The following WDR64 variants were observed in gnomAD, a reference collection of about 807,000 sequenced individuals.
The protein encoded by WDR64 is WD repeat-containing protein 64.
Under a neutral mutation model 139.3 loss-of-function variants are expected in WDR64, and 112 were observed. The ratio of observed to expected loss-of-function variants is 0.80; its 90% CI spans 0.69 to 0.94. The LOEUF is 0.94. WDR64 is among the 40% of genes least tolerant of loss of function. The pLI, the probability that WDR64 is intolerant of heterozygous loss-of-function variation, is 0.00. For missense variants in WDR64, 1,206 were observed against 1,293.1 expected (o/e 0.93, Z 1.03); for synonymous variants, 444 against 437.7 (o/e 1.01, Z -0.18).
intron 9 of WDR64, among the ~76,000 whole-genome samples, chr1:241,721,449 C>G (rs1477756400): frequency 6.6e-6 from 1 of 151,972 alleles, no homozygotes; most frequent in Non-Finnish European, 1.5e-5. Flanking sequence ...GCCTTTTTGT[C>G]TAGTAGCCTA....
At chr1:241,705,545 A>C (rs1238268782) in intron 8 of WDR64, among the ~76,000 whole-genome samples, 2 of 53,644 alleles carry the variant, frequency 3.7e-5, no homozygotes, top group East Asian at 6.6e-4. Flanking sequence ...CTGTCTCTAA[A>C]AAAATAAATA....
rs1659160980 is a variant in WDR64 at position 241,789,871 on chromosome 1, A to G, written c.2892-720A>G. 2.0e-5 allele frequency among the ~76,000 whole-genome samples: 3 copies of G among 152,058 alleles called. No individual in the cohort carries two copies. In the South Asian group the frequency reaches 6.2e-4, roughly 32 times the overall value. On this transcript the variant is annotated intron_variant, in intron 24 of 27. Transcript: ENST00000437684. Reference sequence around the variant, plus strand: ...GAAATAACAAACCTGCACATGTACCACTGAACTTAAATAAAAGTTAAAAAA... The same window carrying G: ...GAAATAACAAACCTGCACATGTACCGCTGAACTTAAATAAAAGTTAAAAAA...
chr1:241,773,193 A>T (rs1046807024), intron 20 of WDR64, among the ~76,000 whole-genome samples: 2 of 152,158 alleles, frequency 1.3e-5, no homozygotes, highest in Admixed American at 1.3e-4. Flanking sequence ...AAGCTCTTCT[A>T]CTTTTCTATC....
chr1:241,745,919 C>A (rs758998138), intron 13 of WDR64, among the ~76,000 whole-genome samples: 2 of 152,150 alleles, frequency 1.3e-5, no homozygotes, highest in African/African-American at 4.8e-5. Flanking sequence ...ATCTGACTGC[C>A]CAAGTCCCAA....
intron 9 of WDR64, among the ~76,000 whole-genome samples, chr1:241,718,070 G>A (rs1357506245): frequency 6.6e-6 from 1 of 152,152 alleles, no homozygotes; most frequent in Non-Finnish European, 1.5e-5. Context: ...GTAGAGCCAG[G>A]TTTCAAATCA....
At chr1:241,711,655 C>A in intron 8 of WDR64, 147 bp from the exon 9 acceptor site, 1 of 707,124 alleles carries the variant, frequency 1.4e-6, no homozygotes, top group Non-Finnish European at 2.4e-6. Flanking sequence ...TTAATTACGA[C>A]TTAATCATTA....
At position 241,767,344 on chromosome 1, in the gene WDR64, T is replaced by G. The variant is rs539547676; in HGVS notation, c.2081+993T>G. Among the ~76,000 whole-genome samples, 8 of 147,336 alleles carry G rather than the reference T, an allele frequency of 5.4e-5. No homozygotes were observed. The South Asian group carries it at 1.7e-3, about 31-fold the overall frequency. ...ATACCATCCACTTCTCAATGTTTTT[T>G]TTTTTTTGCATTTGTTGAGAAGGAA... is the stretch of plus-strand genomic sequence containing the variant. On this transcript the variant is annotated intron_variant, in intron 16 of 27. Coordinates refer to ENST00000437684, the MANE Select transcript of WDR64 (RefSeq NM_001367482.1).
At chr1:241,789,486 A>T (rs1029938345) in intron 24 of WDR64, among the ~76,000 whole-genome samples, 2 of 152,248 alleles carry the variant, frequency 1.3e-5, no homozygotes, top group African/African-American at 4.8e-5. Context: ...CTAGGTATGC[A>T]TCAGTGGTAG....
intron 9 of WDR64, among the ~76,000 whole-genome samples, chr1:241,717,753 A>C (rs1668460456): frequency 6.6e-6 from 1 of 152,162 alleles, no homozygotes; most frequent in Non-Finnish European, 1.5e-5. Flanking sequence ...TTTACCCTCT[A>C]TATCTCCTTA....
chr1:241,722,107 C>G (rs1668634403), intron 9 of WDR64, among the ~76,000 whole-genome samples: 1 of 151,860 alleles, frequency 6.6e-6, no homozygotes, highest in South Asian at 2.1e-4. Flanking sequence ...TCCAATAGAT[C>G]ATGGCTAAAG....
chr1:241,652,984 T>C (rs1380143121), intron 1 of WDR64, among the ~76,000 whole-genome samples: 1 of 152,234 alleles, frequency 6.6e-6, no homozygotes, highest in Admixed American at 6.5e-5. Flanking sequence ...AGCACTGCTT[T>C]TTCTTAGCCT....
At chr1:241,664,186 C>T (rs1445286080) in intron 2 of WDR64, among the ~76,000 whole-genome samples, 3 of 152,172 alleles carry the variant, frequency 2.0e-5, no homozygotes, top group Non-Finnish European at 2.9e-5. Flanking sequence ...GATATTCCCC[C>T]ATAGATCGGT....
Position 241,696,938 on chromosome 1 carries a change from C to G in WDR64, c.974+9343C>G, listed in dbSNP as rs144940825. Among the ~76,000 whole-genome samples the G allele has an allele frequency of 7.3e-3, 1,107 of 152,290 alleles. 15 individuals carry two copies. Among genetic ancestry groups the G allele is most frequent in the African/African-American group, 0.026 (1,061 of 41,558 alleles). ...AGCCCCTATTCAAGATGGATTTGCT[C>G]TGGTTCAAATGCCTCTGACACCTTG... On this transcript the variant is annotated intron_variant, in intron 8 of 27. Transcript: ENST00000437684.
At chr1:241,737,439 GTT>G (rs1258069946) in intron 10 of WDR64, among the ~76,000 whole-genome samples, 4 of 152,138 alleles carry the variant, frequency 2.6e-5, no homozygotes, top group Non-Finnish European at 5.9e-5. Flanking sequence ...ACTTACTGAA[GTT>G]TTACATGTAG....
Position 241,733,091 on chromosome 1 carries a change from A to G in WDR64, c.1195-5272A>G, listed in dbSNP as rs12065973. On this transcript the variant is annotated intron_variant, in intron 10 of 27. Transcript: ENST00000437684. Reference sequence around the variant, plus strand: ...TGATAAGTGACTTCAATTACAAATTACCCTCAAAACACTTAATCAACCTTA... The same window carrying G: ...TGATAAGTGACTTCAATTACAAATTGCCCTCAAAACACTTAATCAACCTTA... 9.7e-3 allele frequency among the ~76,000 whole-genome samples: 1,479 copies of G among 152,282 alleles called. 26 individuals are homozygous for G. Among genetic ancestry groups the G allele is most frequent in the African/African-American group, 0.033 (1,367 of 41,542 alleles).
intron 10 of WDR64, among the ~76,000 whole-genome samples, chr1:241,734,981 G>A (rs1385950869): frequency 6.6e-6 from 1 of 152,142 alleles, no homozygotes; most frequent in Non-Finnish European, 1.5e-5. Context: ...TATATCATGG[G>A]CATCTAGAGA....
intron 14 of WDR64, among the ~76,000 whole-genome samples, chr1:241,751,540 T>C (rs1178211601): frequency 6.6e-6 from 1 of 152,206 alleles, no homozygotes; most frequent in East Asian, 1.9e-4. Flanking sequence ...GTGATCACAT[T>C]CAGTTATTCA....
chr1:241,718,494 AGAG>A (rs1342947542), intron 9 of WDR64, among the ~76,000 whole-genome samples: 1 of 152,174 alleles, frequency 6.6e-6, no homozygotes, highest in Non-Finnish European at 1.5e-5. Context: ...AGGTATCAGA[AGAG>A]AAGGGGGAGC....
Position 241,703,460 on chromosome 1 carries a change from G to GT in WDR64, c.975-8328dup, listed in dbSNP as rs35616829. 0.27 allele frequency among the ~76,000 whole-genome samples: 38,118 copies of GT among 143,590 alleles called. 4,966 individuals carry two copies. Among genetic ancestry groups the GT allele is most frequent in the East Asian group, 0.31 (1,521 of 4,934 alleles). The allele number at this position is 143,590 out of a possible 152,430, so 94.2% of individuals were successfully genotyped here. On this transcript the variant is annotated intron_variant, in intron 8 of 27. Coordinates refer to ENST00000437684, the MANE Select transcript of WDR64 (RefSeq NM_001367482.1). The surrounding 1 kb of genome is among the most constrained non-coding windows in gnomAD (Gnocchi z 5.9). ...TTTTGATAGGGGACTCTATCAAAAA[G>GT]TTTTTTTTTTTTTTCTGTTTTGAAG...
Sources: allele counts gnomAD v4.1 joint callset (sites outside exome capture counted in the v4.1 genomes callset), GRCh38; gene constraint gnomAD v4.1.1; non-coding constraint Gnocchi (gnomAD v3.1); transcripts MANE v1.5; gene names NCBI Gene and HGNC (gene_info 2026-07-23, HGNC 2026-07-21).